RBMS3: variants seen among roughly 807,000 people sequenced by gnomAD.
The protein encoded by RBMS3 is RNA binding motif single stranded interacting protein 3.
Under a neutral mutation model 66.8 loss-of-function variants are expected in RBMS3, and 27 were observed. The observed-to-expected ratio is 0.40, with a 90% CI of 0.30 to 0.56. The LOEUF (loss-of-function observed/expected upper bound fraction) is 0.56, where lower values mean the gene tolerates loss of function less well. Ranked by LOEUF, RBMS3 falls within the 20% of genes least tolerant of loss-of-function variation. The pLI is 0.40. For missense variants in RBMS3, 513 were observed against 549.5 expected (o/e 0.93, Z 0.66); for synonymous variants, 188 against 183.0 (o/e 1.03, Z -0.22).
intron 1 of RBMS3, among the ~76,000 whole-genome samples, chr3:29,304,816 C>G (rs1256040693): frequency 6.6e-6 from 1 of 151,882 alleles, no homozygotes; most frequent in African/African-American, 2.4e-5. Context: ...AGCCATCTTC[C>G]TCCTGAATGC....
chr3:29,512,880 C>A (rs750904346), intron 3 of RBMS3, among the ~76,000 whole-genome samples: 9 of 152,144 alleles, frequency 5.9e-5, no homozygotes, highest in Non-Finnish European at 4.4e-5. Context: ...TGCAGCAGTT[C>A]CAAAAGTCCT....
Position 29,836,781 on chromosome 3 carries a change from CTATA to C in RBMS3, c.638-32059_638-32056del, listed in dbSNP as rs34553455. On this transcript the variant is annotated intron_variant, in intron 6 of 14. Coordinates refer to ENST00000383767, the MANE Select transcript of RBMS3 (RefSeq NM_001003793.3). ...TAGCTTGACTGTGGTAACCATTTCA[CTATA>C]TATATATATATATATATCTGAAAAC... is the stretch of plus-strand genomic sequence containing the variant. Among the ~76,000 whole-genome samples, 289 of 145,998 alleles carry C rather than the reference CTATA, an allele frequency of 2.0e-3. 2 individuals carry two copies. Among genetic ancestry groups the C allele is most frequent in the African/African-American group, 6.9e-3 (273 of 39,850 alleles).
chr3:29,593,881 G>T (rs2047852451), intron 4 of RBMS3, among the ~76,000 whole-genome samples: 1 of 152,202 alleles, frequency 6.6e-6, no homozygotes, highest in African/African-American at 2.4e-5. Context: ...TAATTTATTA[G>T]ATTGTAACAA....
rs543568446 is a variant in RBMS3, at chr3:29,664,220, C to T, written c.400-75500C>T. ...GTTAATCTTACTGGGCCAGGCACGG[C>T]GACGCATGCTTGTAATCCCAACACT... On this transcript the variant is annotated intron_variant, in intron 4 of 14. Coordinates refer to ENST00000383767, the MANE Select transcript of RBMS3 (RefSeq NM_001003793.3). 5.9e-5 allele frequency among the ~76,000 whole-genome samples: 9 copies of T among 152,142 alleles called. No homozygotes were observed. In the South Asian group the frequency reaches 6.2e-4, roughly 11 times the overall value.
intron 1 of RBMS3, among the ~76,000 whole-genome samples, chr3:29,402,418 G>C (rs2039850366): frequency 6.6e-6 from 1 of 151,976 alleles, no homozygotes; most frequent in Non-Finnish European, 1.5e-5. Context: ...TGCAGATTTT[G>C]TGTGCAATAA....
chr3:29,991,435 C>T (rs1339627321), intron 14 of RBMS3: 1 of 571,530 alleles, frequency 1.7e-6, no homozygotes. Context: ...TGCTGATTAT[C>T]TATGCATCTC....
chr3:29,371,065 A>G (rs2038173387), intron 1 of RBMS3, among the ~76,000 whole-genome samples: 1 of 152,238 alleles, frequency 6.6e-6, no homozygotes, highest in African/African-American at 2.4e-5. Context: ...TCCGTGCTCT[A>G]GCAATGAGCT....
intron 14 of RBMS3, among the ~76,000 whole-genome samples, chr3:29,995,543 C>A (rs1000112039): frequency 1.3e-5 from 2 of 149,810 alleles, no homozygotes; most frequent in Admixed American, 6.7e-5. Flanking sequence ...AAAGGGAAGC[C>A]CATCAGACTA....
intron 1 of RBMS3, among the ~76,000 whole-genome samples, chr3:29,366,132 T>C (rs2037889118): frequency 6.6e-6 from 1 of 152,196 alleles, no homozygotes; most frequent in Admixed American, 6.5e-5. Flanking sequence ...AAGAAATCCT[T>C]CTTTGTAAAA....
At chr3:29,586,152 A>G (rs2149092003) in intron 3 of RBMS3, among the ~76,000 whole-genome samples, 1 of 152,188 alleles carries the variant, frequency 6.6e-6, no homozygotes, top group East Asian at 1.9e-4. Flanking sequence ...AGTATAGGAT[A>G]CATATGGTGA....
chr3:29,281,276 C>T lies in RBMS3; in HGVS notation c.-406C>T, dbSNP rs2031745143. The T allele has an allele frequency of 6.0e-6, 1 of 167,240 alleles. No homozygotes were observed. The highest frequency in any genetic ancestry group is 2.6e-5 in the African/African-American group (1 of 39,190). The allele number at this position is 167,240 out of a possible 1,614,324, so 10.4% of individuals were successfully genotyped here. ...GACAACCAAGAGACAGGAAGCTGATCTGCAAGGATTCGGAGTTGTGCTAAA... is the reference window on the plus strand; with the variant it reads ...GACAACCAAGAGACAGGAAGCTGATTTGCAAGGATTCGGAGTTGTGCTAAA... On this transcript the variant is annotated 5_prime_UTR_variant, in exon 1 of 15. Transcript: ENST00000383767.
intron 4 of RBMS3, among the ~76,000 whole-genome samples, chr3:29,637,764 G>T (rs2049527814): frequency 1.3e-5 from 2 of 151,934 alleles, no homozygotes; most frequent in South Asian, 4.1e-4. Flanking sequence ...CATGTATAAA[G>T]CATTTAGTGC....
intron 6 of RBMS3, among the ~76,000 whole-genome samples, chr3:29,789,223 A>G (rs2056923258): frequency 6.6e-6 from 1 of 152,176 alleles, no homozygotes; most frequent in African/African-American, 2.4e-5. Context: ...GAATGGCAAA[A>G]GAGAAACATA....
At chr3:29,473,262 C>A (rs1165138707) in intron 2 of RBMS3, among the ~76,000 whole-genome samples, 1 of 152,048 alleles carries the variant, frequency 6.6e-6, no homozygotes, top group African/African-American at 2.4e-5. Context: ...GTTTACAAAC[C>A]TTGAGCTAGA....
chr3:30,001,666 T>C (rs1183833470), intron 14 of RBMS3, among the ~76,000 whole-genome samples: 2 of 152,018 alleles, frequency 1.3e-5, no homozygotes, highest in East Asian at 3.8e-4. Context: ...TTCTATGTAT[T>C]ATAATATATT....
At chr3:29,649,538 G>A (rs1408923712) in intron 4 of RBMS3, among the ~76,000 whole-genome samples, 1 of 152,104 alleles carries the variant, frequency 6.6e-6, no homozygotes, top group Non-Finnish European at 1.5e-5. Context: ...AAGTCATAAG[G>A]GAAAAAGTGC....
intron 4 of RBMS3, among the ~76,000 whole-genome samples, chr3:29,626,456 C>A (rs1260727370): frequency 6.6e-6 from 1 of 152,068 alleles, no homozygotes; most frequent in Non-Finnish European, 1.5e-5. Context: ...GTGGAAGATA[C>A]AATTTAAGGA....
At chr3:29,637,594 A>G (rs530696996) in intron 4 of RBMS3, among the ~76,000 whole-genome samples, 4 of 151,980 alleles carry the variant, frequency 2.6e-5, no homozygotes, top group Non-Finnish European at 5.9e-5. Flanking sequence ...TACTTTTAAT[A>G]AGCATCTTAA....
intron 1 of RBMS3, among the ~76,000 whole-genome samples, chr3:29,327,872 C>T (rs775552343): frequency 3.9e-5 from 6 of 152,134 alleles, no homozygotes; most frequent in Non-Finnish European, 7.4e-5. Context: ...GAGCTATTAT[C>T]GATCACGTCA....
Sources: allele counts gnomAD v4.1 joint callset (sites outside exome capture counted in the v4.1 genomes callset), GRCh38; gene constraint gnomAD v4.1.1; transcripts MANE v1.5; gene names NCBI Gene and HGNC (gene_info 2026-07-23, HGNC 2026-07-21).